ZNF823: variants seen among roughly 807,000 people sequenced by gnomAD.
ZNF823 encodes ZFP 36 for a zinc finger protein.
ZNF823 carries 5 observed loss-of-function variants against 11.4 expected under a neutral mutation model. That is an observed-to-expected ratio of 0.44 (90% CI 0.23 to 0.92). ZNF823 has a LOEUF of 0.92. Ranked by LOEUF, ZNF823 falls within the 40% of genes least tolerant of loss-of-function variation. The probability of loss-of-function intolerance (pLI) is 0.24; values close to 1 mark genes in which losing one functional copy is unlikely to be tolerated. For synonymous variants in ZNF823, 234 were observed against 250.5 expected, an observed-to-expected ratio of 0.93 and a Z score of 0.62; for missense variants, 582 against 738.5, an observed-to-expected ratio of 0.79 and a Z score of 2.46.
chr19:11,725,412 G>A, intron 1 of ZNF823, 85 bp from the exon 2 acceptor site: 1 of 1,563,886 alleles, frequency 6.4e-7, no homozygotes, highest in Non-Finnish European at 8.7e-7. Context: ...TTTGCATGAT[G>A]CTGTGGTTTC....
intron 1 of ZNF823, among the ~76,000 whole-genome samples, chr19:11,735,884 A>C (rs1404938318): frequency 6.6e-6 from 1 of 152,244 alleles, no homozygotes; most frequent in Non-Finnish European, 1.5e-5. Context: ...TTCAGAAAAC[A>C]AATGTCATTA....
chr19:11,725,709 T>A (rs1974777425), intron 1 of ZNF823, among the ~76,000 whole-genome samples: 1 of 152,188 alleles, frequency 6.6e-6, no homozygotes, highest in Non-Finnish European at 1.5e-5. Context: ...TGACAAATGC[T>A]CATTTGCAAA....
At chr19:11,726,412 G>A (rs914163677) in intron 1 of ZNF823, among the ~76,000 whole-genome samples, 1 of 151,506 alleles carries the variant, frequency 6.6e-6, no homozygotes, top group African/African-American at 2.4e-5. Flanking sequence ...AAGTTAGAAT[G>A]CTTGTGCTCT....
At position 11,721,708 on chromosome 19, in the gene ZNF823, G is replaced by C. The variant is rs574508466; in HGVS notation, c.1826C>G (p.Thr609Ser). 1.9e-6 allele frequency: 3 copies of C among 1,608,206 alleles called. No homozygotes were observed. In the African/African-American group the frequency reaches 4.0e-5, roughly 22 times the overall value. The part of the protein sequence containing the change: ...HRHKRTHWKD[T>S]L Reference sequence around the variant, plus strand: ...TTCCCACATTCCATACATTTAGAGAGTATCTTTCCAGTGAGTCCTTTTATG... The same window carrying C: ...TTCCCACATTCCATACATTTAGAGACTATCTTTCCAGTGAGTCCTTTTATG... Residue 609 changes from threonine (T) to serine (S), a missense_variant, in exon 4 of 4, where the codon ACT becomes AGT. Thr to Ser is a moderately conservative substitution (Grantham distance 58). Transcript: ENST00000341191.
chr19:11,722,058 G>A lies in ZNF823; in HGVS notation c.1476C>T (p.Thr492=). Residue 492 remains threonine (T), a synonymous_variant, in exon 4 of 4, where the codon ACC becomes ACT. Coordinates refer to ENST00000341191, the MANE Select transcript of ZNF823 (RefSeq NM_001080493.4). This position sits in a 1 kb window ranked among gnomAD's most constrained non-coding sequence, Gnocchi z 5.2. ...CFKYLSQHKR[T]HTVEKPYECK... Reference sequence around the variant, plus strand: ...ACTCATAAGGTTTTTCTACTGTGTGGGTCCTTTTATGTTGAGAAAGGTATT... The same window carrying A: ...ACTCATAAGGTTTTTCTACTGTGTGAGTCCTTTTATGTTGAGAAAGGTATT... The A allele has an allele frequency of 2.5e-6, 4 of 1,609,144 alleles. No individual in the cohort carries two copies. Among genetic ancestry groups the A allele is most frequent in the Non-Finnish European group, 3.4e-6 (4 of 1,178,710 alleles).
At position 11,721,786 on chromosome 19, in the gene ZNF823, T is replaced by C. The variant is rs1974683011; in HGVS notation, c.1748A>G (p.Tyr583Cys). 6.2e-7 allele frequency: 1 copy of C among 1,614,190 alleles called. No homozygotes were observed. The highest frequency in any genetic ancestry group is 8.5e-7 in the Non-Finnish European group (1 of 1,180,014). ...HEKTHTGEKLYECKECGKALS... is the reference protein window; with the variant it reads ...HEKTHTGEKLCECKECGKALS... Reference sequence around the variant, plus strand: ...TGCTTTCCCACATTCCTTACATTCATACAGCTTCTCTCCAGTGTGAGTTTT... The same window carrying C: ...TGCTTTCCCACATTCCTTACATTCACACAGCTTCTCTCCAGTGTGAGTTTT... The change falls in exon 4 of 4, where the codon TAT becomes TGT. Residue 583 changes from tyrosine to cysteine, a missense_variant. This residue lies in a region of ZNF823 where 144 missense variants were observed against 154.3 expected (regional missense o/e 0.93). Coordinates refer to ENST00000341191, the MANE Select transcript of ZNF823 (RefSeq NM_001080493.4).
intron 1 of ZNF823, among the ~76,000 whole-genome samples, chr19:11,727,228 C>T (rs769448947): frequency 2.0e-4 from 31 of 151,926 alleles, no homozygotes; most frequent in Non-Finnish European, 3.4e-4. Context: ...AAAACCTAAC[C>T]GGCAGGGTGT....
Position 11,722,892 on chromosome 19 carries a change from G to A in ZNF823, c.642C>T (p.His214=). Residue 214 remains histidine, a synonymous_variant, in exon 4 of 4, where the codon CAC becomes CAT. Transcript: ENST00000341191. This position sits in a 1 kb window ranked among gnomAD's most constrained non-coding sequence, Gnocchi z 5.2. ...PSLFHLHERT[H]TGEKPYECKQ... ...TACATTCATACGGTTTCTCTCCAGT[G>A]TGTGTTCTTTCGTGCAAATGAAATA... The A allele has an allele frequency of 6.2e-7, 1 of 1,614,194 alleles. No individual in the cohort carries two copies. The highest frequency in any genetic ancestry group is 1.1e-5 in the South Asian group (1 of 91,084).
chr19:11,732,719 C>T (rs545978283), intron 1 of ZNF823, among the ~76,000 whole-genome samples: 319 of 152,342 alleles, frequency 2.1e-3, no homozygotes, highest in African/African-American at 7.5e-3. Context: ...AGGCGGGAGC[C>T]ACCGCGCCCG....
At chr19:11,735,429 T>C (rs1395075620) in intron 1 of ZNF823, among the ~76,000 whole-genome samples, 1 of 152,172 alleles carries the variant, frequency 6.6e-6, no homozygotes, top group Non-Finnish European at 1.5e-5. Flanking sequence ...TACTTGAGAA[T>C]GTCTAGCAAC....
At chr19:11,725,525 G>A (rs531123414) in intron 1 of ZNF823, among the ~76,000 whole-genome samples, 198 bp from the exon 2 acceptor site, 40 of 152,362 alleles carry the variant, frequency 2.6e-4, no homozygotes, top group African/African-American at 3.8e-4. Flanking sequence ...GTTTGGTAAA[G>A]TAACAGTCGA....
rs770983116 is a variant in ZNF823 at position 11,721,804 on chromosome 19, TGA to T, written c.1728_1729del (p.Thr578TrpfsTer6). On this transcript the variant is annotated frameshift_variant, in exon 4 of 4. Transcript: ENST00000341191. LOFTEE classifies it low-confidence loss of function (END_TRUNC). ...ACATTCATACAGCTTCTCTCCAGTG[TGA>T]GTTTTTTCATGTCCTCGAAGGAAAC... is the stretch of plus-strand genomic sequence containing the variant. 2 of 1,614,190 alleles carry T rather than the reference TGA, an allele frequency of 1.2e-6. No individual in the cohort carries two copies. The highest frequency in any genetic ancestry group is 1.7e-6 in the Non-Finnish European group (2 of 1,180,016).
intron 2 of ZNF823, 92 bp downstream of exon 2, chr19:11,725,109 T>G: frequency 6.7e-7 from 1 of 1,501,054 alleles, no homozygotes; most frequent in Non-Finnish European, 9.0e-7. Flanking sequence ...GTCAACCATA[T>G]CCTCTTTCCA....
intron 2 of ZNF823, 28 bp downstream of exon 2, chr19:11,725,173 C>T (rs748972353): frequency 1.9e-6 from 3 of 1,602,806 alleles, no homozygotes; most frequent in Non-Finnish European, 2.6e-6. Flanking sequence ...CTCTAATTGA[C>T]TAAGTGAAGA....
chr19:11,724,806 C>T (rs984143019), intron 2 of ZNF823, among the ~76,000 whole-genome samples: 17 of 151,932 alleles, frequency 1.1e-4, no homozygotes, highest in African/African-American at 3.4e-4. Flanking sequence ...ATGATCTTCC[C>T]GCCTCGGCCT....
chr19:11,729,832 T>C (rs2145213542), intron 1 of ZNF823, among the ~76,000 whole-genome samples: 1 of 152,316 alleles, frequency 6.6e-6, no homozygotes, highest in Non-Finnish European at 1.5e-5. Flanking sequence ...CACCTTGTAC[T>C]ATCCTACAAG....
intron 1 of ZNF823, among the ~76,000 whole-genome samples, chr19:11,729,190 A>G (rs951043383): frequency 2.7e-5 from 4 of 150,292 alleles, no homozygotes; most frequent in African/African-American, 4.9e-5. Context: ...AAAAAAAAAC[A>G]ACAAATAAAA....
At chr19:11,732,587 C>A (rs1974921386) in intron 1 of ZNF823, among the ~76,000 whole-genome samples, 1 of 151,974 alleles carries the variant, frequency 6.6e-6, no homozygotes, top group Admixed American at 6.6e-5. Context: ...GCGTGAGCCA[C>A]CGCGCCCGGC....
Position 11,731,646 on chromosome 19 carries a change from T to C in ZNF823, c.4-6319A>G, listed in dbSNP as rs553578871. Among the ~76,000 whole-genome samples the C allele has an allele frequency of 2.6e-5, 4 of 152,284 alleles. No homozygotes were observed. The East Asian group carries it at 5.8e-4, about 22-fold the overall frequency. ...CAACAGGCCCCCACTGCAGATGTCATTTGTAAGCCCCAGGAACTAACCTTT... is the reference window on the plus strand; with the variant it reads ...CAACAGGCCCCCACTGCAGATGTCACTTGTAAGCCCCAGGAACTAACCTTT... On this transcript the variant is annotated intron_variant, in intron 1 of 3. Coordinates refer to ENST00000341191, the MANE Select transcript of ZNF823 (RefSeq NM_001080493.4).
Sources: allele counts gnomAD v4.1 joint callset (sites outside exome capture counted in the v4.1 genomes callset), GRCh38; gene constraint gnomAD v4.1.1; regional missense constraint gnomAD v4.1.1; non-coding constraint Gnocchi (gnomAD v3.1); transcripts MANE v1.5; gene names NCBI Gene and HGNC (gene_info 2026-07-23, HGNC 2026-07-21).